The following KCNJ3 variants were observed in gnomAD, a reference collection of about 807,000 sequenced individuals.
KCNJ3 encodes the protein potassium inwardly rectifying channel subfamily J member 3.
Under a neutral mutation model 39.2 loss-of-function variants are expected in KCNJ3, and 4 were observed. That is an observed-to-expected ratio of 0.10 (90% CI 0.05 to 0.23). The LOEUF (loss-of-function observed/expected upper bound fraction) is 0.23, where lower values mean the gene tolerates loss of function less well. Ranked by LOEUF, KCNJ3 falls within the 10% of genes least tolerant of loss-of-function variation. KCNJ3 has a pLI of 1.00. For missense variants in KCNJ3, 276 were observed against 634.9 expected, an observed-to-expected ratio of 0.43 and a Z score of 6.08; for synonymous variants, 230 against 237.4, an observed-to-expected ratio of 0.97 and a Z score of 0.29.
intron 2 of KCNJ3, among the ~76,000 whole-genome samples, chr2:154,833,242 A>T (rs1346356953): frequency 2.0e-5 from 3 of 152,244 alleles, no homozygotes; most frequent in Admixed American, 2.0e-4. Context: ...TGGAATAGTT[A>T]ACTTAAAGAA....
chr2:154,844,577 C>A (rs1687634792), intron 2 of KCNJ3, among the ~76,000 whole-genome samples: 1 of 152,134 alleles, frequency 6.6e-6, no homozygotes, highest in South Asian at 2.1e-4. Flanking sequence ...AGGCAGTGGA[C>A]CTTGTTGATC....
intron 2 of KCNJ3, among the ~76,000 whole-genome samples, chr2:154,797,379 G>C (rs1191833094): frequency 1.3e-5 from 2 of 151,990 alleles, no homozygotes; most frequent in Non-Finnish European, 2.9e-5. Context: ...AATTATAAAA[G>C]TAAAACATGA....
chr2:154,775,365 C>T (rs963285984), intron 2 of KCNJ3, among the ~76,000 whole-genome samples: 11 of 152,052 alleles, frequency 7.2e-5, no homozygotes, highest in Non-Finnish European at 1.3e-4. Context: ...TAATTTATTA[C>T]GCTATTCTGG....
intron 2 of KCNJ3, among the ~76,000 whole-genome samples, chr2:154,811,404 C>T (rs1019654934): frequency 3.3e-5 from 5 of 152,138 alleles, no homozygotes; most frequent in Admixed American, 6.5e-5. Context: ...TTTCTGCCTC[C>T]GCCTCCCAAG....
At chr2:154,711,858 G>A (rs866871520) in intron 2 of KCNJ3, among the ~76,000 whole-genome samples, 5 of 152,160 alleles carry the variant, frequency 3.3e-5, no homozygotes, top group African/African-American at 1.2e-4. Flanking sequence ...TAGAATTATA[G>A]ATGTTATTTT....
intron 2 of KCNJ3, among the ~76,000 whole-genome samples, chr2:154,740,472 A>C (rs1197147205): frequency 3.3e-5 from 5 of 152,094 alleles, no homozygotes; most frequent in African/African-American, 1.2e-4. Context: ...TCTCATTGCC[A>C]TTGTGGTGAC....
chr2:154,826,485 G>A (rs1687273989), intron 2 of KCNJ3, among the ~76,000 whole-genome samples: 1 of 152,038 alleles, frequency 6.6e-6, no homozygotes, highest in Non-Finnish European at 1.5e-5. Flanking sequence ...ATGAAGTTGT[G>A]GTAATTTAAC....
intron 2 of KCNJ3, among the ~76,000 whole-genome samples, chr2:154,844,007 T>C (rs142841735): frequency 6.6e-6 from 1 of 152,334 alleles, no homozygotes. Flanking sequence ...CTGCGATCCT[T>C]TGGAGGAGAA....
At chr2:154,767,165 A>G (rs1005422962) in intron 2 of KCNJ3, among the ~76,000 whole-genome samples, 14 of 151,782 alleles carry the variant, frequency 9.2e-5, no homozygotes, top group African/African-American at 3.2e-4. Flanking sequence ...AAATTGTGCT[A>G]ACTGCTAGTA....
At position 154,722,877 on chromosome 2, in the gene KCNJ3, A is replaced by T. The variant is rs932079914; in HGVS notation, c.919+13058A>T. Among the ~76,000 whole-genome samples, 9 of 152,296 alleles carry T rather than the reference A, an allele frequency of 5.9e-5. No homozygotes were observed. The South Asian group carries it at 1.9e-3, about 32-fold the overall frequency. ...TGGCTGGGGTATAGGGGAAGACTTG[A>T]AAACTCAAAGTATGTAACATTTAAT... On this transcript the variant is annotated intron_variant, in intron 2 of 2. Transcript: ENST00000295101.
chr2:154,820,113 T>C (rs1039335820), intron 2 of KCNJ3, among the ~76,000 whole-genome samples: 3 of 152,096 alleles, frequency 2.0e-5, no homozygotes, highest in African/African-American at 7.2e-5. Flanking sequence ...TTAACATTGG[T>C]CACAATATTA....
chr2:154,705,970 C>G (rs545424050), intron 1 of KCNJ3, among the ~76,000 whole-genome samples: 1 of 152,108 alleles, frequency 6.6e-6, no homozygotes, highest in East Asian at 1.9e-4. Flanking sequence ...TTCAAATTAT[C>G]TTCTAAATTT....
chr2:154,765,354 C>G (rs1207358543), intron 2 of KCNJ3, among the ~76,000 whole-genome samples: 1 of 152,172 alleles, frequency 6.6e-6, no homozygotes, highest in Non-Finnish European at 1.5e-5. Context: ...ATCAAAGTCT[C>G]CTTTGTGGCA....
intron 2 of KCNJ3, among the ~76,000 whole-genome samples, chr2:154,823,801 G>A (rs1344804051): frequency 6.6e-6 from 1 of 151,698 alleles, no homozygotes; most frequent in Non-Finnish European, 1.5e-5. Flanking sequence ...TTATATTTTT[G>A]TCTTCTATAG....
intron 2 of KCNJ3, among the ~76,000 whole-genome samples, chr2:154,732,300 TGTTTCCTA>T (rs1218435960): frequency 6.6e-6 from 1 of 152,150 alleles, no homozygotes; most frequent in East Asian, 1.9e-4. Flanking sequence ...AATTTGTCAC[TGTTTCCTA>T]ATTAGAATAG....
At chr2:154,832,563 C>T (rs1162164088) in intron 2 of KCNJ3, among the ~76,000 whole-genome samples, 9 of 152,044 alleles carry the variant, frequency 5.9e-5, no homozygotes, top group Admixed American at 4.6e-4. Context: ...ATATACTTAA[C>T]CAATTGATGT....
At chr2:154,700,326 G>C (rs1191077775) in intron 1 of KCNJ3, among the ~76,000 whole-genome samples, 2 of 152,184 alleles carry the variant, frequency 1.3e-5, no homozygotes, top group African/African-American at 4.8e-5. Context: ...ATTAAAGCAA[G>C]GTCCGTCTAG....
chr2:154,705,747 C>T (rs1038284406), intron 1 of KCNJ3, among the ~76,000 whole-genome samples: 8 of 151,976 alleles, frequency 5.3e-5, no homozygotes, highest in Non-Finnish European at 1.0e-4. Flanking sequence ...CTAATGTTCA[C>T]GTTATAATTT....
chr2:154,703,605 G>T (rs577949500), intron 1 of KCNJ3, among the ~76,000 whole-genome samples: 1 of 151,902 alleles, frequency 6.6e-6, no homozygotes, highest in Non-Finnish European at 1.5e-5. Context: ...AAAAATGGTG[G>T]TCTGAAAGAC....
Sources: gnomAD v4.1 joint callset for allele counts (sites outside exome capture counted in the v4.1 genomes callset) on GRCh38, gnomAD v4.1.1 for gene constraint, MANE v1.5 for transcripts, NCBI Gene and HGNC (gene_info 2026-07-23, HGNC 2026-07-21) for gene names.